Variants in WASHC3 observed in about 807,000 individuals in gnomAD.
WASHC3 encodes the protein WASH complex subunit CCDC53.
In WASHC3, 24 loss-of-function variants were observed where a neutral mutation model predicts 26.1. The ratio of observed to expected loss-of-function variants is 0.92; its 90% CI spans 0.66 to 1.29. The LOEUF (loss-of-function observed/expected upper bound fraction) is 1.29. Ranked by LOEUF, WASHC3 falls within the 50% of genes most tolerant of loss-of-function variation. The pLI, the probability that WASHC3 is intolerant of heterozygous loss-of-function variation, is 0.00. For missense variants in WASHC3, 214 were observed against 229.6 expected (o/e 0.93, Z 0.44); for synonymous variants, 77 against 75.7 (o/e 1.02, Z -0.09).
At chr12:102,052,111 T>C (rs540212725) in intron 2 of WASHC3, among the ~76,000 whole-genome samples, 2 of 152,260 alleles carry the variant, frequency 1.3e-5, no homozygotes, top group African/African-American at 4.8e-5. Context: ...AAATACATTC[T>C]CAAGAGCTAA....
At chr12:102,031,210 G>GTT (rs1459751217) in intron 5 of WASHC3, among the ~76,000 whole-genome samples, 2 of 152,186 alleles carry the variant, frequency 1.3e-5, no homozygotes, top group African/African-American at 4.8e-5. Flanking sequence ...TATGACAAAA[G>GTT]TTATCTTTCT....
intron 6 of WASHC3, among the ~76,000 whole-genome samples, chr12:102,021,660 A>G (rs1274457268): frequency 6.6e-6 from 1 of 152,212 alleles, no homozygotes; most frequent in Non-Finnish European, 1.5e-5. Context: ...CAAAACGGAA[A>G]CAGTAAAAAC....
chr12:102,049,071 T>C (rs1594368215), intron 2 of WASHC3, among the ~76,000 whole-genome samples: 1 of 152,256 alleles, frequency 6.6e-6, no homozygotes, highest in African/African-American at 2.4e-5. Flanking sequence ...GCATTTTCCT[T>C]ATACAATCCC....
intron 5 of WASHC3, among the ~76,000 whole-genome samples, chr12:102,034,824 A>T (rs1877587819): frequency 6.9e-6 from 1 of 145,192 alleles, no homozygotes; most frequent in South Asian, 2.2e-4. Flanking sequence ...GTGAGTATGT[A>T]AATACAGCAA....
chr12:102,060,469 C>CTTAA (rs1331916410), intron 2 of WASHC3, among the ~76,000 whole-genome samples: 1 of 152,134 alleles, frequency 6.6e-6, no homozygotes, highest in African/African-American at 2.4e-5. Context: ...TAGTTGGGTA[C>CTTAA]TTAATCCTTA....
intron 2 of WASHC3, chr12:102,050,318 T>C (rs779714774): frequency 4.4e-6 from 2 of 451,994 alleles, no homozygotes; most frequent in Non-Finnish European, 8.9e-6. Flanking sequence ...AAAAAAAGTT[T>C]GAATTAAAAT....
intron 5 of WASHC3, among the ~76,000 whole-genome samples, chr12:102,027,043 T>C (rs1023253914): frequency 6.6e-6 from 1 of 152,216 alleles, no homozygotes; most frequent in Non-Finnish European, 1.5e-5. Context: ...TTTTTAACTT[T>C]TATTTTTAAT....
chr12:102,013,110 A>C lies in WASHC3; in HGVS notation c.583T>G (p.Ter195GluextTer2). The C allele has an allele frequency of 7.0e-7, 1 of 1,422,704 alleles. No homozygotes were observed. The highest frequency in any genetic ancestry group is 9.7e-7 in the Non-Finnish European group (1 of 1,029,456). The allele number at this position is 1,422,704 out of a possible 1,614,324, so 88.1% of individuals were successfully genotyped here. Reference protein sequence around the residue: ...SSDSESSFSD* With the variant: ...SSDSESSFSDE The stretch of plus-strand genomic sequence containing the variant: ...TGTAATTCTTATCAAAATTAAGCTT[A>C]ATCACTAAAAGAAGATTCGCTATCT... Residue 195 changes from the stop codon to glutamate, a stop_lost, in exon 7 of 7, where the codon TAA (stop) becomes GAA (glutamate). Transcript: ENST00000240079.
At chr12:102,061,016 A>T (rs1006048052) in intron 2 of WASHC3, among the ~76,000 whole-genome samples, 4 of 151,910 alleles carry the variant, frequency 2.6e-5, no homozygotes, top group Admixed American at 2.6e-4. Flanking sequence ...AATCGCAATA[A>T]GCCTGACTGA....
At chr12:102,031,281 T>C (rs965286099) in intron 5 of WASHC3, among the ~76,000 whole-genome samples, 5 of 152,176 alleles carry the variant, frequency 3.3e-5, no homozygotes, top group African/African-American at 1.2e-4. Context: ...GGGCTTCCAG[T>C]TGGTGGCTGT....
At chr12:102,028,222 AC>A (rs1877281318) in intron 5 of WASHC3, among the ~76,000 whole-genome samples, 1 of 152,318 alleles carries the variant, frequency 6.6e-6, no homozygotes, top group Admixed American at 6.5e-5. Context: ...TAAAAGCAAA[AC>A]ATACTTAATA....
At chr12:102,036,346 G>A (rs1191966770) in intron 5 of WASHC3, among the ~76,000 whole-genome samples, 4 of 130,906 alleles carry the variant, frequency 3.1e-5, no homozygotes, top group African/African-American at 1.2e-4. Flanking sequence ...TGGGTGACAA[G>A]AGAGAGACTC....
chr12:102,041,777 A>T (rs1877949169), intron 4 of WASHC3, among the ~76,000 whole-genome samples: 1 of 152,052 alleles, frequency 6.6e-6, no homozygotes. Flanking sequence ...ATCAACACAC[A>T]ATTTTATCAC....
At chr12:102,059,888 A>G (rs1878735514) in intron 2 of WASHC3, 1 of 152,210 alleles carries the variant, frequency 6.6e-6, no homozygotes, top group South Asian at 2.1e-4. Flanking sequence ...GGAACGAAAT[A>G]AAACTGACTG....
At chr12:102,037,875 AAC>A (rs1877740568) in intron 5 of WASHC3, among the ~76,000 whole-genome samples, 1 of 151,614 alleles carries the variant, frequency 6.6e-6, no homozygotes, top group South Asian at 2.1e-4. Context: ...GGCTCATTGC[AAC>A]CTCCGCCTCC....
At chr12:102,050,359 C>G (rs1878340081) in intron 2 of WASHC3, 1 of 434,722 alleles carries the variant, frequency 2.3e-6, no homozygotes, top group Non-Finnish European at 4.6e-6. Context: ...TGGCTCACGC[C>G]TATAATTCCA....
At chr12:102,028,918 C>A (rs1375889138) in intron 5 of WASHC3, among the ~76,000 whole-genome samples, 1 of 152,050 alleles carries the variant, frequency 6.6e-6, no homozygotes, top group Non-Finnish European at 1.5e-5. Context: ...TACAGCAGAA[C>A]AGCACAGATA....
rs774328293 is a variant in WASHC3 at position 102,039,890 on chromosome 12, C to A, written c.413G>T (p.Arg138Ile). Reference protein sequence around the residue: ...LTVAKDPRYARYLKMVQVGVP... With the variant: ...LTVAKDPRYAIYLKMVQVGVP... ...TACCACTTGAACCATTTTGAGATAT[C>A]TGGCATATCTTGGATCCTTGGCTAC... The change falls in exon 5 of 7, where the codon AGA becomes ATA. Residue 138 changes from arginine (R) to isoleucine (I), a missense_variant. Physicochemically the swap from Arg to Ile is moderately conservative, Grantham distance 97. Transcript: ENST00000240079. 3 of 1,573,436 alleles carry A rather than the reference C, an allele frequency of 1.9e-6. No individual in the cohort carries two copies. In the South Asian group the frequency reaches 3.3e-5, roughly 17 times the overall value.
chr12:102,042,636 G>GCCCT (rs1877986272), intron 4 of WASHC3, among the ~76,000 whole-genome samples: 5 of 152,182 alleles, frequency 3.3e-5, no homozygotes, highest in African/African-American at 1.2e-4. Flanking sequence ...CTGTTGTAAA[G>GCCCT]ATTAAATTAG....
Sources: allele counts gnomAD v4.1 joint callset (sites outside exome capture counted in the v4.1 genomes callset), GRCh38; gene constraint gnomAD v4.1.1; transcripts MANE v1.5; gene names NCBI Gene and HGNC (gene_info 2026-07-23, HGNC 2026-07-21).